SAMD3: variants seen among roughly 807,000 people sequenced by gnomAD.
SAMD3 encodes sterile alpha motif domain-containing protein 3.
Under a neutral mutation model 58.5 loss-of-function variants are expected in SAMD3, and 63 were observed. The observed-to-expected ratio is 1.08, with a 90% confidence interval of 0.88 to 1.33. The LOEUF is 1.33. SAMD3 is among the 40% of genes most tolerant of loss of function. The pLI, the probability that SAMD3 is intolerant of heterozygous loss-of-function variation, is 0.00. For synonymous variants in SAMD3, 220 were observed against 210.3 expected (o/e 1.05, Z -0.40); for missense variants, 604 against 608.4 (o/e 0.99, Z 0.08).
intron 2 of SAMD3, among the ~76,000 whole-genome samples, chr6:130,260,454 C>A (rs1774083168): frequency 6.6e-6 from 1 of 152,222 alleles, no homozygotes; most frequent in Non-Finnish European, 1.5e-5. Flanking sequence ...TCTCACGGAC[C>A]CCCATAGAGT....
At chr6:130,165,833 G>C (rs903135520) in intron 8 of SAMD3, among the ~76,000 whole-genome samples, 2 of 152,076 alleles carry the variant, frequency 1.3e-5, no homozygotes, top group Non-Finnish European at 2.9e-5. Context: ...GCTTCAAATG[G>C]GGCATTTGAC....
chr6:130,145,034 T>C (rs1027147827), intron 11 of SAMD3, among the ~76,000 whole-genome samples: 2 of 152,132 alleles, frequency 1.3e-5, no homozygotes, highest in Non-Finnish European at 2.9e-5. Flanking sequence ...CCAAGGCAGG[T>C]GGATCACCTG....
intron 11 of SAMD3, 126 bp downstream of exon 11, chr6:130,145,214 C>T (rs1402044853): frequency 4.0e-5 from 19 of 471,782 alleles, no homozygotes; most frequent in Middle Eastern, 5.8e-4. Context: ...GCCAAGATCA[C>T]GCCATTGTAC....
intron 1 of SAMD3, among the ~76,000 whole-genome samples, chr6:130,340,869 C>T (rs1777246408): frequency 6.6e-6 from 1 of 152,136 alleles, no homozygotes; most frequent in African/African-American, 2.4e-5. Context: ...TTTTGTGCTT[C>T]AGTCTTTTCT....
At chr6:130,175,798 T>A (rs1791669827) in intron 8 of SAMD3, 43 bp downstream of exon 8, 1 of 1,253,992 alleles carries the variant, frequency 8.0e-7, no homozygotes, top group African/African-American at 1.5e-5. Context: ...AATCAATATA[T>A]CAATCTATCA....
chr6:130,153,078 T>C (rs916874480), intron 9 of SAMD3, among the ~76,000 whole-genome samples: 9 of 152,232 alleles, frequency 5.9e-5, no homozygotes, highest in African/African-American at 2.2e-4. Flanking sequence ...CAAGATTACA[T>C]TGCTGTGTCA....
At chr6:130,326,859 C>T (rs549488110) in intron 1 of SAMD3, among the ~76,000 whole-genome samples, 77 of 152,318 alleles carry the variant, frequency 5.1e-4, no homozygotes, top group Admixed American at 3.8e-3. Context: ...GTCATCCAAC[C>T]ACAGGCACTA....
chr6:130,148,920 G>A (rs141401510), intron 9 of SAMD3, among the ~76,000 whole-genome samples: 6 of 152,014 alleles, frequency 3.9e-5, no homozygotes, highest in Non-Finnish European at 8.8e-5. Context: ...AACTTGCTAC[G>A]GAGATGTTAT....
upstream of SAMD3, among the ~76,000 whole-genome samples, chr6:130,227,196 T>C (rs1395023766): frequency 6.6e-6 from 1 of 152,244 alleles, no homozygotes; most frequent in Non-Finnish European, 1.5e-5. Flanking sequence ...CTATTTTAGG[T>C]ATGCCATATA....
chr6:130,166,304 CA>C (rs920229102), intron 8 of SAMD3, among the ~76,000 whole-genome samples: 4 of 152,004 alleles, frequency 2.6e-5, no homozygotes, highest in Non-Finnish European at 5.9e-5. Flanking sequence ...CACTGGGCAA[CA>C]AAAAATGTCT....
At chr6:130,365,601 G>A (rs1330903715), upstream of SAMD3, 2 of 985,460 alleles carry the variant, frequency 2.0e-6, no homozygotes, top group East Asian at 1.1e-4. Context: ...CGGAGAACTG[G>A]GGGAGCCGGG....
chr6:130,248,184 G>A (rs958711858), intron 2 of SAMD3, among the ~76,000 whole-genome samples: 5 of 66,376 alleles, frequency 7.5e-5, no homozygotes, highest in South Asian at 5.5e-4. Flanking sequence ...TTTTGCGTGT[G>A]TGTGTGTGTG....
At chr6:130,266,256 G>T (rs1317187387) in intron 2 of SAMD3, among the ~76,000 whole-genome samples, 2 of 152,120 alleles carry the variant, frequency 1.3e-5, no homozygotes, top group Non-Finnish European at 2.9e-5. Flanking sequence ...CAAGAAATTT[G>T]TTTTTGCAAT....
At chr6:130,331,781 A>T (rs894439935) in intron 1 of SAMD3, among the ~76,000 whole-genome samples, 1 of 152,242 alleles carries the variant, frequency 6.6e-6, no homozygotes, top group Admixed American at 6.5e-5. Flanking sequence ...AACTAGTTTT[A>T]AAAATGGTAA....
chr6:130,276,554 T>A (rs953816114), intron 2 of SAMD3, among the ~76,000 whole-genome samples: 1 of 152,128 alleles, frequency 6.6e-6, no homozygotes, highest in Admixed American at 6.6e-5. Context: ...GTGTGTTATT[T>A]AAACAAGTAT....
chr6:130,146,127 G>A lies in SAMD3; in HGVS notation c.1078C>T (p.His360Tyr), dbSNP rs1190059067. The A allele has an allele frequency of 6.2e-7, 1 of 1,600,554 alleles. No homozygotes were observed. Among genetic ancestry groups the A allele is most frequent in the Non-Finnish European group, 8.5e-7 (1 of 1,173,838 alleles). ...TRTDIYKKTRHILESYSENIL... is the reference protein window; with the variant it reads ...TRTDIYKKTRYILESYSENIL... ...TTTTCTGAATAGGATTCCAAAATGT[G>A]CCTTGTTTTCTTATAAATATCTGTT... Residue 360 changes from histidine (H) to tyrosine (Y), a missense_variant, in exon 10 of 12, where the codon CAC becomes TAC. By Grantham distance (83) the His-to-Tyr change is moderately conservative. Coordinates refer to ENST00000439090, the MANE Select transcript of SAMD3 (RefSeq NM_001017373.4).
intron 5 of SAMD3, among the ~76,000 whole-genome samples, chr6:130,208,264 G>A (rs1411278551): frequency 2.6e-5 from 4 of 152,156 alleles, no homozygotes; most frequent in Admixed American, 1.3e-4. Flanking sequence ...AATGAACTAC[G>A]TTTAAGGCAT....
At chr6:130,352,750 A>G (rs1310251707) in intron 1 of SAMD3, among the ~76,000 whole-genome samples, 10 of 152,198 alleles carry the variant, frequency 6.6e-5, no homozygotes, top group Admixed American at 5.9e-4. Flanking sequence ...GTTTCTATGA[A>G]CAGCAAAGAA....
intron 2 of SAMD3, among the ~76,000 whole-genome samples, chr6:130,247,291 G>A (rs1773580443): frequency 6.6e-6 from 1 of 152,028 alleles, no homozygotes; most frequent in Non-Finnish European, 1.5e-5. Flanking sequence ...CCAACATGGT[G>A]AAACCCCATC....
Sources: gnomAD v4.1 joint callset for allele counts (sites outside exome capture counted in the v4.1 genomes callset) on GRCh38, gnomAD v4.1.1 for gene constraint, MANE v1.5 for transcripts, NCBI Gene and HGNC (gene_info 2026-07-23, HGNC 2026-07-21) for gene names.